GPHN: variants seen among roughly 807,000 people sequenced by gnomAD.
GPHN encodes gephyrin.
Under a neutral mutation model 95.5 loss-of-function variants are expected in GPHN, and 17 were observed. That is an observed-to-expected ratio of 0.18 (90% CI 0.12 to 0.27). GPHN has a LOEUF of 0.27. Among genes scored for constraint, GPHN ranks in the 10% least tolerant of loss-of-function variants. The pLI, the probability that GPHN is intolerant of heterozygous loss-of-function variation, is 1.00. For synonymous variants in GPHN, 320 were observed against 322.5 expected, an observed-to-expected ratio of 0.99 and a Z score of 0.08; for missense variants, 660 against 978.1, an observed-to-expected ratio of 0.67 and a Z score of 4.34.
chr14:67,058,880 A>G (rs768244644), intron 11 of GPHN, 94 bp downstream of exon 11: 9 of 1,103,488 alleles, frequency 8.2e-6, no homozygotes, highest in Non-Finnish European at 1.2e-5. Flanking sequence ...TGAAAAAGAA[A>G]GATTATTAAC....
At chr14:67,383,693 A>C in the GPHN span, 3 of 412,758 alleles carry the variant, frequency 7.3e-6, no homozygotes, top group African/African-American at 6.2e-5. Flanking sequence ...CTTTAAGAAT[A>C]GTTCTAAAAT....
chr14:66,804,258 T>C (rs1415700859), intron 3 of GPHN, among the ~76,000 whole-genome samples: 1 of 152,142 alleles, frequency 6.6e-6, no homozygotes, highest in Non-Finnish European at 1.5e-5. Flanking sequence ...TGAAAGACAC[T>C]AGGAGGTTTA....
the GPHN span, among the ~76,000 whole-genome samples, chr14:67,293,624 T>G: frequency 6.6e-6 from 1 of 152,164 alleles, no homozygotes; most frequent in African/African-American, 2.4e-5. Context: ...TTACGGAGAT[T>G]GAAATAACAT....
intron 4 of GPHN, among the ~76,000 whole-genome samples, chr14:66,831,207 C>CA (rs1182475899): frequency 6.6e-6 from 1 of 151,824 alleles, no homozygotes; most frequent in African/African-American, 2.4e-5. Flanking sequence ...AGAAGCATAG[C>CA]AAAAAATACC....
chr14:67,025,907 A>G (rs182667142), intron 10 of GPHN, among the ~76,000 whole-genome samples: 18 of 152,310 alleles, frequency 1.2e-4, no homozygotes, highest in African/African-American at 3.4e-4. Context: ...ATATCCATCA[A>G]TCCCAAATGA....
the GPHN span, among the ~76,000 whole-genome samples, chr14:67,236,479 G>A: frequency 6.6e-6 from 1 of 152,102 alleles, no homozygotes; most frequent in African/African-American, 2.4e-5. Context: ...TGTTCCTCTA[G>A]GATAAGGACT....
At chr14:67,623,465 G>C in the GPHN span, among the ~76,000 whole-genome samples, 1 of 148,966 alleles carries the variant, frequency 6.7e-6, no homozygotes, top group Non-Finnish European at 1.5e-5. Flanking sequence ...GAATGTATTT[G>C]ACTTAGTGTC....
chr14:66,628,148 T>C (rs2063592170), intron 1 of GPHN, among the ~76,000 whole-genome samples: 1 of 152,072 alleles, frequency 6.6e-6, no homozygotes, highest in African/African-American at 2.4e-5. Context: ...CTAACAGCAA[T>C]TAATTGAATA....
the GPHN span, among the ~76,000 whole-genome samples, chr14:67,501,109 C>A: frequency 6.6e-6 from 1 of 151,018 alleles, no homozygotes; most frequent in Non-Finnish European, 1.5e-5. Flanking sequence ...TAGGAGCCAG[C>A]TGCTCTGCAT....
the GPHN span, chr14:67,301,367 A>C: frequency 2.6e-6 from 4 of 1,565,244 alleles, no homozygotes; most frequent in South Asian, 3.4e-5. Flanking sequence ...TAGGAAGAAT[A>C]ATCTTTATTT....
chr14:66,881,977 T>A (rs1319589488), intron 5 of GPHN, among the ~76,000 whole-genome samples: 7 of 151,924 alleles, frequency 4.6e-5, no homozygotes, highest in Admixed American at 2.6e-4. Flanking sequence ...GAAAAGGGGA[T>A]ATTTCCCTGA....
intron 3 of GPHN, among the ~76,000 whole-genome samples, chr14:66,781,335 G>A (rs2153463905): frequency 6.6e-6 from 1 of 151,834 alleles, no homozygotes; most frequent in East Asian, 1.9e-4. Flanking sequence ...TCCTGCCTCA[G>A]CTTCCTGAGT....
intron 8 of GPHN, among the ~76,000 whole-genome samples, chr14:66,945,859 C>G (rs988663301): frequency 5.3e-5 from 8 of 152,092 alleles, no homozygotes; most frequent in African/African-American, 1.9e-4. Context: ...CTAGGGAAGA[C>G]TGGGCTTCTC....
chr14:67,393,945 G>A, the GPHN span, among the ~76,000 whole-genome samples: 48 of 152,238 alleles, frequency 3.2e-4, no homozygotes, highest in Admixed American at 5.9e-4. Context: ...GTGGTGATTC[G>A]CTGTCTCTAG....
At chr14:67,637,295 A>T in the GPHN span, among the ~76,000 whole-genome samples, 1 of 151,076 alleles carries the variant, frequency 6.6e-6, no homozygotes, top group Non-Finnish European at 1.5e-5. Context: ...CTGTAATCCC[A>T]GCTACTTGGG....
chr14:66,546,385 C>CG (rs1301249245), intron 1 of GPHN, among the ~76,000 whole-genome samples: 2 of 152,096 alleles, frequency 1.3e-5, no homozygotes, highest in African/African-American at 4.8e-5. Flanking sequence ...CGGGCAGAGG[C>CG]TGCAATCTCG....
intron 18 of GPHN, among the ~76,000 whole-genome samples, chr14:67,144,244 A>ATATAT (rs1222844885): frequency 1.5e-5 from 1 of 67,634 alleles, no homozygotes; most frequent in Non-Finnish European, 2.5e-5. Context: ...CTTAAAAAAA[A>ATATAT]AAAAAAATAT....
chr14:66,819,348 G>A (rs1482591802), intron 3 of GPHN, among the ~76,000 whole-genome samples: 1 of 151,932 alleles, frequency 6.6e-6, no homozygotes. Flanking sequence ...ATAGGTTGTT[G>A]CTTGTTTTTG....
the GPHN span, chr14:67,578,214 G>A: frequency 4.3e-6 from 7 of 1,610,852 alleles, no homozygotes; most frequent in Non-Finnish European, 5.9e-6. The surrounding 1 kb of genome is among the most constrained non-coding windows in gnomAD (Gnocchi z 5.0). Context: ...GCATGCCAGG[G>A]GTGGAGCAGC....
Sources: gnomAD v4.1 joint callset for allele counts (sites outside exome capture counted in the v4.1 genomes callset) on GRCh38, gnomAD v4.1.1 for gene constraint, Gnocchi (gnomAD v3.1) non-coding constraint, MANE v1.5 for transcripts, NCBI Gene and HGNC (gene_info 2026-07-23, HGNC 2026-07-21) for gene names.